MOB3A: variants seen among roughly 807,000 people sequenced by gnomAD.
MOB3A encodes the protein MOB kinase activator 3A, also known as MOB LAK.
In MOB3A, 17 loss-of-function variants were observed where a neutral mutation model predicts 17.8. The observed-to-expected ratio is 0.95, with a 90% confidence interval of 0.65 to 1.43. The LOEUF is 1.43. MOB3A is among the 40% of genes most tolerant of loss of function. The pLI is 0.00. For missense variants in MOB3A, 333 were observed against 310.8 expected (o/e 1.07, Z -0.54); for synonymous variants, 124 against 133.2 (o/e 0.93, Z 0.48).
chr19:2,077,071 C>T (rs965737297), intron 3 of MOB3A, 58 bp from the exon 4 acceptor site: 4 of 1,482,684 alleles, frequency 2.7e-6, no homozygotes, highest in Non-Finnish European at 3.7e-6. Flanking sequence ...GTCCAGAACC[C>T]TTTGCTCCTG....
In MOB3A at chr19:2,078,407, G is replaced by A. The variant is rs1384993549; in HGVS notation, c.154C>T (p.Pro52Ser). ...CAGTCGTTCAGGTCCTCGCCCGGGGGCAACTGCACGGCCAGCCGCAGGTCC... is the reference window on the plus strand; with the variant it reads ...CAGTCGTTCAGGTCCTCGCCCGGGGACAACTGCACGGCCAGCCGCAGGTCC... ...GLDLRLAVQL[P>S]PGEDLNDWVA... The change falls in exon 3 of 5, where the codon CCC becomes TCC. Residue 52 changes from proline (P) to serine (S), a missense_variant. By Grantham distance (74) the Pro-to-Ser change is moderately conservative (BLOSUM62 -1). Coordinates refer to ENST00000357066, the MANE Select transcript of MOB3A (RefSeq NM_130807.3). The A allele has an allele frequency of 1.2e-6, 2 of 1,614,044 alleles. No homozygotes were observed. The highest frequency in any genetic ancestry group is 2.2e-5 in the East Asian group (1 of 44,888).
At chr19:2,077,919 G>C (rs570734051) in intron 3 of MOB3A, among the ~76,000 whole-genome samples, 1 of 151,872 alleles carries the variant, frequency 6.6e-6, no homozygotes, top group Non-Finnish European at 1.5e-5. Flanking sequence ...GAGTAGCTGC[G>C]ACCAAAGGCG....
At chr19:2,087,844 G>A (rs2017570267) in intron 1 of MOB3A, among the ~76,000 whole-genome samples, 1 of 152,192 alleles carries the variant, frequency 6.6e-6, no homozygotes, top group Non-Finnish European at 1.5e-5. Context: ...CTCCTTTCAC[G>A]GAACTTTTTC....
chr19:2,087,860 C>G (rs2017570537), intron 1 of MOB3A, among the ~76,000 whole-genome samples: 1 of 152,198 alleles, frequency 6.6e-6, no homozygotes, highest in Admixed American at 6.5e-5. Flanking sequence ...TTTTCCTAAC[C>G]CAGGGCCGCA....
intron 3 of MOB3A, 49 bp downstream of exon 3, chr19:2,078,091 C>G: frequency 6.7e-7 from 1 of 1,499,102 alleles, no homozygotes; most frequent in Non-Finnish European, 8.9e-7. Flanking sequence ...GCCTCCCTGA[C>G]TTTTCTGGAA....
chr19:2,086,123 C>T (rs1325463185), intron 1 of MOB3A, among the ~76,000 whole-genome samples: 1 of 151,710 alleles, frequency 6.6e-6, no homozygotes, highest in African/African-American at 2.4e-5. Context: ...TCACTACAAC[C>T]TCTGTCTCCC....
intron 1 of MOB3A, among the ~76,000 whole-genome samples, chr19:2,092,890 A>G (rs1278298760): frequency 6.6e-6 from 1 of 151,880 alleles, no homozygotes; most frequent in Non-Finnish European, 1.5e-5. Flanking sequence ...GACCACAGCC[A>G]CCCACTGTGT....
chr19:2,081,051 G>C (rs2017480846), intron 2 of MOB3A, among the ~76,000 whole-genome samples: 1 of 152,102 alleles, frequency 6.6e-6, no homozygotes, highest in Non-Finnish European at 1.5e-5. Flanking sequence ...AGGACTGTTT[G>C]AGCCCGGGAG....
At chr19:2,087,403 G>C (rs2017565848) in intron 1 of MOB3A, among the ~76,000 whole-genome samples, 1 of 152,134 alleles carries the variant, frequency 6.6e-6, no homozygotes, top group Non-Finnish European at 1.5e-5. Context: ...CTGTAATCCT[G>C]GCACTTTGGG....
chr19:2,078,009 TCCTGGGCTCAAGCGATC>T, intron 3 of MOB3A, 114 bp downstream of exon 3: 1 of 972,582 alleles, frequency 1.0e-6, no homozygotes, highest in Non-Finnish European at 1.5e-6. Context: ...GAGCTCAAAC[TCCTGGGCTCAAGCGATC>T]CCTGGGCTCG....
chr19:2,091,532 C>T (rs1335012353), intron 1 of MOB3A, among the ~76,000 whole-genome samples: 7 of 151,530 alleles, frequency 4.6e-5, no homozygotes, highest in South Asian at 4.2e-4. Flanking sequence ...TACAGGCGCC[C>T]GCCACTACGC....
At chr19:2,079,856 C>T (rs1297104399) in intron 2 of MOB3A, among the ~76,000 whole-genome samples, 3 of 152,238 alleles carry the variant, frequency 2.0e-5, no homozygotes, top group Admixed American at 6.5e-5. Flanking sequence ...ATGAGGAAGC[C>T]TCCAGGAGCC....
intron 2 of MOB3A, among the ~76,000 whole-genome samples, chr19:2,081,989 G>A (rs1397132057): frequency 6.6e-6 from 1 of 152,194 alleles, no homozygotes; most frequent in Non-Finnish European, 1.5e-5. Context: ...GGGAGCCCCT[G>A]GTGAGGACCG....
intron 1 of MOB3A, chr19:2,085,567 G>C (rs909846679): frequency 2.0e-5 from 3 of 152,168 alleles, no homozygotes; most frequent in Admixed American, 6.6e-5. Flanking sequence ...CCTGAGTGGA[G>C]AAGTCAGTTC....
In MOB3A at chr19:2,082,158, G is replaced by A. The variant is rs560263290; in HGVS notation, c.-120+3017C>T. On this transcript the variant is annotated intron_variant, in intron 2 of 4. Coordinates refer to ENST00000357066, the MANE Select transcript of MOB3A (RefSeq NM_130807.3). The surrounding 1 kb of genome is among the most constrained non-coding windows in gnomAD (Gnocchi z 4.1). ...TGCCACCAGGGTTAACACCCAACTA[G>A]GAACTTGAACTTTTCATCTGCCTGG... Among the ~76,000 whole-genome samples, 5 of 152,346 alleles carry A rather than the reference G, an allele frequency of 3.3e-5. No individual in the cohort carries two copies. In the South Asian group the frequency reaches 1.0e-3, roughly 32 times the overall value.
At chr19:2,091,822 C>T in intron 1 of MOB3A, among the ~76,000 whole-genome samples, 1 of 150,902 alleles carries the variant, frequency 6.6e-6, no homozygotes, top group East Asian at 2.0e-4. Context: ...GATGGTGAAA[C>T]CCTGTCTCTA....
Position 2,078,581 on chromosome 19 carries a change from T to C in MOB3A, c.-21A>G. On this transcript the variant is annotated 5_prime_UTR_variant, in exon 3 of 5. Transcript: ENST00000357066. ...GACATCTTGGTGACGCCTGCTCTCC[T>C]GGACTTCTGTAGAGGGGTCCTGGGC... The C allele has an allele frequency of 1.3e-6, 2 of 1,548,002 alleles. No individual in the cohort carries two copies. The highest frequency in any genetic ancestry group is 2.5e-5 in the South Asian group (2 of 80,652).
intron 1 of MOB3A, among the ~76,000 whole-genome samples, chr19:2,087,097 T>C (rs544734391): frequency 3.2e-4 from 48 of 152,336 alleles, no homozygotes; most frequent in African/African-American, 1.1e-3. Flanking sequence ...ACTGCATCTC[T>C]GACTTCTCTC....
At chr19:2,078,862 G>C (rs1408180937) in intron 2 of MOB3A, 183 bp from the exon 3 acceptor site, 2 of 329,064 alleles carry the variant, frequency 6.1e-6, no homozygotes, top group African/African-American at 4.3e-5. Context: ...AGGCCCAAGC[G>C]ATCCTCTCAA....
Sources: allele counts gnomAD v4.1 joint callset (sites outside exome capture counted in the v4.1 genomes callset), GRCh38; gene constraint gnomAD v4.1.1; non-coding constraint Gnocchi (gnomAD v3.1); transcripts MANE v1.5; gene names NCBI Gene and HGNC (gene_info 2026-07-23, HGNC 2026-07-21).